DAB1: variants seen among roughly 807,000 people sequenced by gnomAD.
DAB1 encodes disabled homolog 1.
Under a neutral mutation model 64.6 loss-of-function variants are expected in DAB1, and 15 were observed. The observed-to-expected ratio is 0.23, with a 90% CI of 0.16 to 0.36. The LOEUF (loss-of-function observed/expected upper bound fraction) is 0.36, where lower values mean the gene tolerates loss of function less well. DAB1 is among the 10% of genes least tolerant of loss of function. The pLI is 1.00. For missense variants in DAB1, 596 were observed against 706.7 expected (o/e 0.84, Z 1.78); for synonymous variants, 235 against 251.9 (o/e 0.93, Z 0.64).
chr1:57,418,328 AG>A (rs1684646442), intron 1 of DAB1, among the ~76,000 whole-genome samples: 1 of 152,246 alleles, frequency 6.6e-6, no homozygotes, highest in Admixed American at 6.5e-5. Context: ...AATGTGACAA[AG>A]GCAGATAGAA....
At chr1:57,333,972 G>A (rs1676881440) in intron 1 of DAB1, among the ~76,000 whole-genome samples, 1 of 152,172 alleles carries the variant, frequency 6.6e-6, no homozygotes, top group African/African-American at 2.4e-5. Flanking sequence ...CAGAGACAAG[G>A]GTTGGAGGAG....
At chr1:57,598,946 A>G (rs1248139863) in intron 7 of DAB1, among the ~76,000 whole-genome samples, 1 of 152,066 alleles carries the variant, frequency 6.6e-6, no homozygotes, top group Non-Finnish European at 1.5e-5. Flanking sequence ...GGTTCCTGAC[A>G]GCCATTTGGT....
At chr1:57,089,772 G>A (rs1188600423) in intron 4 of DAB1, among the ~76,000 whole-genome samples, 2 of 152,298 alleles carry the variant, frequency 1.3e-5, no homozygotes, top group East Asian at 3.9e-4. Context: ...ATATCATTGA[G>A]TAAATGATTT....
At chr1:58,541,630 AAAAAAAAAAAAC>A (rs1263824760) in intron 1 of DAB1, 4 of 130,910 alleles carry the variant, frequency 3.1e-5, no homozygotes, top group East Asian at 4.1e-4. Flanking sequence ...AAAAAAAAAA[AAAAAAAAAAAAC>A]CAAAAACAAA....
chr1:57,032,095 C>A (rs1307053074), intron 9 of DAB1, among the ~76,000 whole-genome samples: 2 of 152,100 alleles, frequency 1.3e-5, no homozygotes, highest in Non-Finnish European at 2.9e-5. Context: ...CTGGTCCTTC[C>A]AACTAGTTCA....
At chr1:57,023,416 GTC>G in intron 11 of DAB1, 113 bp downstream of exon 11, 1 of 663,428 alleles carries the variant, frequency 1.5e-6, no homozygotes, top group Non-Finnish European at 2.8e-6. Context: ...CACCTGAAGA[GTC>G]ACAGGAGAGA....
intron 5 of DAB1, among the ~76,000 whole-genome samples, chr1:57,915,192 T>A (rs1644709038): frequency 6.7e-6 from 1 of 149,920 alleles, no homozygotes; most frequent in African/African-American, 2.5e-5. Context: ...TGGAAAGAAA[T>A]GTGTTTCTTT....
chr1:57,267,434 A>G (rs1333933751), intron 2 of DAB1, among the ~76,000 whole-genome samples: 1 of 152,220 alleles, frequency 6.6e-6, no homozygotes, highest in Non-Finnish European at 1.5e-5. Context: ...AAAGACAAGG[A>G]AGCTGAAGTT....
chr1:58,461,982 T>C (rs1484860499), intron 3 of DAB1, among the ~76,000 whole-genome samples: 1 of 152,206 alleles, frequency 6.6e-6, no homozygotes, highest in Non-Finnish European at 1.5e-5. Context: ...TATGCTACAG[T>C]CTGGGTGCTA....
At chr1:57,612,670 C>T (rs1410846659) in intron 7 of DAB1, among the ~76,000 whole-genome samples, 2 of 152,074 alleles carry the variant, frequency 1.3e-5, no homozygotes, top group African/African-American at 4.8e-5. Flanking sequence ...AATTTCAGCC[C>T]AGTGAAATGG....
intron 5 of DAB1, among the ~76,000 whole-genome samples, chr1:58,000,360 G>A (rs904317942): frequency 1.1e-4 from 16 of 152,148 alleles, no homozygotes; most frequent in African/African-American, 1.9e-4. Context: ...TGTAACAGCC[G>A]ATGAATGTGA....
At chr1:57,229,178 T>C (rs1445037529) in intron 2 of DAB1, among the ~76,000 whole-genome samples, 1 of 151,300 alleles carries the variant, frequency 6.6e-6, no homozygotes, top group Non-Finnish European at 1.5e-5. Flanking sequence ...GTGTCTGTAA[T>C]ATTTTTCACT....
chr1:57,916,706 G>A (rs912711707), intron 5 of DAB1, among the ~76,000 whole-genome samples: 1 of 152,232 alleles, frequency 6.6e-6, no homozygotes, highest in Non-Finnish European at 1.5e-5. Context: ...GGGAGGCCAA[G>A]GCGAGTGGAT....
At chr1:58,248,546 C>T (rs774983660) in intron 4 of DAB1, among the ~76,000 whole-genome samples, 16 of 152,070 alleles carry the variant, frequency 1.1e-4, no homozygotes, top group Non-Finnish European at 1.6e-4. Context: ...TGAACAGAAT[C>T]TGAACAGAAA....
chr1:58,004,624 G>T (rs940783747), intron 5 of DAB1, among the ~76,000 whole-genome samples: 1 of 152,180 alleles, frequency 6.6e-6, no homozygotes, highest in African/African-American at 2.4e-5. Context: ...CTCCATCTGT[G>T]AATGCATAGA....
intron 3 of DAB1, among the ~76,000 whole-genome samples, chr1:58,441,894 C>A (rs530871780): frequency 6.6e-6 from 1 of 152,190 alleles, no homozygotes; most frequent in South Asian, 2.1e-4. Context: ...TGACTGGGAC[C>A]CCCCCAGAGA....
At chr1:57,051,168 A>T (rs776208775) in intron 9 of DAB1, among the ~76,000 whole-genome samples, 2 of 152,250 alleles carry the variant, frequency 1.3e-5, no homozygotes, top group South Asian at 2.1e-4. Context: ...TCTAAGAAAC[A>T]TCAAAAGGGA....
At chr1:57,582,996 C>T (rs945171443) in intron 7 of DAB1, among the ~76,000 whole-genome samples, 6 of 152,092 alleles carry the variant, frequency 3.9e-5, no homozygotes, top group South Asian at 2.1e-4. Flanking sequence ...AATGTGAGGA[C>T]GGAATGTGAA....
chr1:57,486,524 G>T (rs1247370629), intron 7 of DAB1, among the ~76,000 whole-genome samples: 1 of 152,204 alleles, frequency 6.6e-6, no homozygotes, highest in Non-Finnish European at 1.5e-5. Context: ...AAGCTTCCCG[G>T]AATGGTAGTA....
Sources: allele counts gnomAD v4.1 joint callset (sites outside exome capture counted in the v4.1 genomes callset), GRCh38; gene constraint gnomAD v4.1.1; transcripts MANE v1.5; gene names NCBI Gene and HGNC (gene_info 2026-07-23, HGNC 2026-07-21).